The following HDAC8 variants were observed in gnomAD, a reference collection of about 807,000 sequenced individuals.
The protein encoded by HDAC8 is histone deacetylase-like 1.
In HDAC8, 1 loss-of-function variant was observed where a neutral mutation model predicts 32.2. That is an observed-to-expected ratio of 0.03 (90% CI 0.01 to 0.15). The LOEUF is 0.15. Among genes scored for constraint, HDAC8 ranks in the 10% least tolerant of loss-of-function variants. The pLI is 1.00. For synonymous variants in HDAC8, 108 were observed against 113.9 expected, an observed-to-expected ratio of 0.95 and a Z score of 0.33; for missense variants, 117 against 300.0, an observed-to-expected ratio of 0.39 and a Z score of 4.51.
In HDAC8 at chrX:72,355,723, G is replaced by A. The variant is rs143113575; in HGVS notation, c.1006-3885C>T. On this transcript the variant is annotated intron_variant, in intron 9 of 10. Coordinates refer to ENST00000373573, the MANE Select transcript of HDAC8 (RefSeq NM_018486.3). Reference sequence around the variant, plus strand: ...AGGTCTTACTCACACAGTGAAAGCGGCATACAATTAGATAGTTGGTCAAAA... The same window carrying A: ...AGGTCTTACTCACACAGTGAAAGCGACATACAATTAGATAGTTGGTCAAAA... Among the ~76,000 whole-genome samples the A allele has an allele frequency of 4.1e-3, 455 of 111,906 alleles. 3 individuals carry two copies. Among genetic ancestry groups the A allele is most frequent in the African/African-American group, 0.013 (389 of 30,814 alleles).
At chrX:72,455,196 T>G (rs1466229242) in intron 9 of HDAC8, among the ~76,000 whole-genome samples, 15 of 112,039 alleles carry the variant, frequency 1.3e-4, no homozygotes, top group African/African-American at 4.5e-4. Context: ...AAAGCAATGG[T>G]GGGTAAAACT....
intron 4 of HDAC8, among the ~76,000 whole-genome samples, chrX:72,507,633 G>A (rs1161833803): frequency 9.0e-6 from 1 of 111,569 alleles, no homozygotes; most frequent in African/African-American, 3.3e-5. Flanking sequence ...CTTTGAGCTG[G>A]TCCTCATTAA....
At chrX:72,388,923 C>T (rs1394503942) in intron 9 of HDAC8, among the ~76,000 whole-genome samples, 1 of 111,766 alleles carries the variant, frequency 8.9e-6, no homozygotes, top group Non-Finnish European at 1.9e-5. Context: ...CTTCCAGCCT[C>T]CAGAATTGTG....
chrX:72,425,372 T>G lies in HDAC8; in HGVS notation c.1005+36632A>C, dbSNP rs727250. ...TAGAGTTCTGTTCTGACAAAGTTGT[T>G]TCTGACAGTTTCTGCTTATTTTCCT... On this transcript the variant is annotated intron_variant, in intron 9 of 10. Coordinates refer to ENST00000373573, the MANE Select transcript of HDAC8 (RefSeq NM_018486.3). Among the ~76,000 whole-genome samples, 7,089 of 111,521 alleles carry G rather than the reference T, an allele frequency of 0.064. 861 individuals are homozygous for G. The East Asian group carries it at 0.74, about 12-fold the overall frequency.
chrX:72,356,362 A>T (rs1369218492), intron 9 of HDAC8, among the ~76,000 whole-genome samples: 3 of 111,463 alleles, frequency 2.7e-5, no homozygotes, highest in Non-Finnish European at 5.6e-5. Flanking sequence ...GGGGGCACGG[A>T]CAAGGAGAAG....
chrX:72,479,629 C>A (rs2048438413), intron 7 of HDAC8, among the ~76,000 whole-genome samples: 1 of 111,958 alleles, frequency 8.9e-6, no homozygotes, highest in East Asian at 2.8e-4. Context: ...GACTGTCTTC[C>A]TTGATACAAA....
intron 4 of HDAC8, among the ~76,000 whole-genome samples, chrX:72,563,851 C>A (rs1556127084): frequency 9.0e-6 from 1 of 111,542 alleles, no homozygotes; most frequent in Non-Finnish European, 1.9e-5. Flanking sequence ...AAACTGAGTA[C>A]CATCTTTTTC....
chrX:72,498,451 CTATAG>C (rs1348693512), intron 4 of HDAC8, among the ~76,000 whole-genome samples: 1 of 111,851 alleles, frequency 8.9e-6, no homozygotes, highest in Non-Finnish European at 1.9e-5. Context: ...TATTAGATAA[CTATAG>C]TATAGTGTTT....
intron 7 of HDAC8, among the ~76,000 whole-genome samples, chrX:72,488,098 T>C (rs1879948356): frequency 9.0e-6 from 1 of 111,700 alleles, no homozygotes; most frequent in South Asian, 3.8e-4. Flanking sequence ...GTTTTTATTT[T>C]TTAATAGTTC....
chrX:72,349,692 C>T (rs2044122634), intron 10 of HDAC8, among the ~76,000 whole-genome samples: 1 of 111,681 alleles, frequency 9.0e-6, no homozygotes, highest in African/African-American at 3.3e-5. Context: ...GGGTTCTTAC[C>T]TTTCCTCGTT....
In HDAC8 at chrX:72,568,901, G is replaced by A. The variant is rs1556142928; in HGVS notation, c.165-17C>T. 1 of 1,200,147 alleles carries A rather than the reference G, an allele frequency of 8.3e-7. No homozygotes were observed. The highest frequency in any genetic ancestry group is 1.1e-6 in the Non-Finnish European group (1 of 889,335). ...TTAACTATCCTAATAATAACAGAGA[G>A]AACAAAGAGAGGTCAGTGAGTCAGA... On this transcript the variant is annotated splice_polypyrimidine_tract_variant and intron_variant, in intron 2 of 10. Transcript: ENST00000373573.
chrX:72,410,355 C>T (rs2046158407), intron 9 of HDAC8, among the ~76,000 whole-genome samples: 1 of 110,675 alleles, frequency 9.0e-6, no homozygotes, highest in East Asian at 2.8e-4. Flanking sequence ...CCAGAGCAGA[C>T]TGGGCATGGC....
At chrX:72,427,036 T>C (rs1304827205) in intron 9 of HDAC8, among the ~76,000 whole-genome samples, 1 of 110,264 alleles carries the variant, frequency 9.1e-6, no homozygotes, top group Non-Finnish European at 1.9e-5. Context: ...GTACTTCCAG[T>C]CTCCAGAATT....
At chrX:72,510,830 G>A (rs2049558518) in intron 4 of HDAC8, among the ~76,000 whole-genome samples, 1 of 111,650 alleles carries the variant, frequency 9.0e-6, no homozygotes, top group African/African-American at 3.3e-5. Flanking sequence ...CAATTTTCCT[G>A]CCCTAAAATA....
chrX:72,379,638 C>T (rs2045210359), intron 9 of HDAC8, among the ~76,000 whole-genome samples: 1 of 108,874 alleles, frequency 9.2e-6, no homozygotes, highest in African/African-American at 3.3e-5. Flanking sequence ...GCTAGGATTA[C>T]AGGCATGCGC....
chrX:72,456,669 C>T (rs782327630), intron 9 of HDAC8, among the ~76,000 whole-genome samples: 2 of 110,422 alleles, frequency 1.8e-5, no homozygotes, highest in South Asian at 3.9e-4. Context: ...TGTGGTGGTG[C>T]GCGCCTATAG....
chrX:72,406,430 C>T (rs181172314), intron 9 of HDAC8, among the ~76,000 whole-genome samples: 2 of 111,075 alleles, frequency 1.8e-5, no homozygotes, highest in East Asian at 2.8e-4. Flanking sequence ...GAGGTTTTGC[C>T]ATGTTGCCCA....
chrX:72,423,804 A>T (rs922624436), intron 9 of HDAC8, among the ~76,000 whole-genome samples: 1 of 111,778 alleles, frequency 8.9e-6, no homozygotes, highest in East Asian at 2.8e-4. Flanking sequence ...TTCCATATTC[A>T]CCTGAGAGTC....
chrX:72,572,000 G>A (rs1556158762), intron 2 of HDAC8, 57 bp downstream of exon 2: 3 of 974,639 alleles, frequency 3.1e-6, no homozygotes, highest in Non-Finnish European at 4.2e-6. Flanking sequence ...CTGTGAAGCA[G>A]GATATTAAGG....
Sources: gnomAD v4.1 joint callset for allele counts (sites outside exome capture counted in the v4.1 genomes callset) on GRCh38, gnomAD v4.1.1 for gene constraint, MANE v1.5 for transcripts, NCBI Gene and HGNC (gene_info 2026-07-23, HGNC 2026-07-21) for gene names.